Variants in LIPA observed in about 807,000 individuals in gnomAD.
The protein encoded by LIPA is lipase A, lysosomal acid type.
A neutral mutation model predicts 40.6 loss-of-function variants in LIPA; 26 were observed. That is an observed-to-expected ratio of 0.64 (90% CI 0.47 to 0.89). The LOEUF is 0.89. LIPA is among the 40% of genes least tolerant of loss of function. The pLI, the probability that LIPA is intolerant of heterozygous loss-of-function variation, is 0.00. For missense variants in LIPA, 455 were observed against 479.6 expected (o/e 0.95, Z 0.48); for synonymous variants, 188 against 168.4 (o/e 1.12, Z -0.90).
At chr10:89,403,052 G>A in intron 2 of LIPA, 5 of 1,614,220 alleles carry the variant, frequency 3.1e-6, no homozygotes, top group Non-Finnish European at 4.2e-6. Context: ...ATGCAGCCAA[G>A]TTTTACCGAA....
intron 1 of LIPA, chr10:89,309,042 A>G (rs777289376): frequency 6.6e-6 from 1 of 152,190 alleles, no homozygotes; most frequent in Non-Finnish European, 1.5e-5. Context: ...CTGGTCTACT[A>G]TCATAATCAC....
chr10:89,319,124 A>G (rs1468866787), intron 1 of LIPA, among the ~76,000 whole-genome samples: 1 of 152,252 alleles, frequency 6.6e-6, no homozygotes, highest in Non-Finnish European at 1.5e-5. Flanking sequence ...AAGATCTAAA[A>G]TTGACACCTA....
intron 1 of LIPA, among the ~76,000 whole-genome samples, chr10:89,264,156 G>A (rs1843223751): frequency 6.6e-6 from 1 of 152,212 alleles, no homozygotes; most frequent in African/African-American, 2.4e-5. Flanking sequence ...AACATGGCAA[G>A]CAGGGGGGGT....
At chr10:89,385,562 A>G (rs981022808) in intron 2 of LIPA, among the ~76,000 whole-genome samples, 1 of 152,250 alleles carries the variant, frequency 6.6e-6, no homozygotes, top group Non-Finnish European at 1.5e-5. Flanking sequence ...CCATGTGGCC[A>G]GGGTCACTGA....
At chr10:89,374,738 T>G (rs1242923044) in intron 2 of LIPA, among the ~76,000 whole-genome samples, 1 of 152,208 alleles carries the variant, frequency 6.6e-6, no homozygotes, top group Non-Finnish European at 1.5e-5. Flanking sequence ...TCCCATCTGA[T>G]ACAGAACTGG....
In LIPA at chr10:89,316,387, C is replaced by T. The variant is rs139846336; in HGVS notation, c.-2+26224G>A. Reference sequence around the variant, plus strand: ...CCACCCTAATACTGCGCTTTTCCAACGGTCTTAGCAAACAGAACACCAGGA... The same window carrying T: ...CCACCCTAATACTGCGCTTTTCCAATGGTCTTAGCAAACAGAACACCAGGA... On this transcript the variant is annotated intron_variant, in intron 1 of 5. Transcript: ENST00000282673. 5.8e-3 allele frequency among the ~76,000 whole-genome samples: 881 copies of T among 152,344 alleles called. 3 individuals carry two copies. Among genetic ancestry groups the T allele is most frequent in the Middle Eastern group, 0.024 (7 of 294 alleles).
At chr10:89,267,070 A>G (rs1226738740) in intron 1 of LIPA, among the ~76,000 whole-genome samples, 1 of 152,180 alleles carries the variant, frequency 6.6e-6, no homozygotes, top group African/African-American at 2.4e-5. Context: ...CACATTCTCT[A>G]TTTTTATATT....
At chr10:89,307,357 A>G in intron 1 of LIPA, 2 of 1,601,674 alleles carry the variant, frequency 1.2e-6, no homozygotes, top group Non-Finnish European at 1.7e-6. Flanking sequence ...CTTCAGCATC[A>G]AGCTGGAATG....
rs780289964 is a variant in LIPA, at chr10:89,247,696, C to T, written c.-1-47G>A. ...TATTATTTGCTTGAATTTTACTACA[C>T]AAAAATATTCTGGTAACTTAATGCT... On this transcript the variant is annotated intron_variant, in intron 1 of 9. Coordinates refer to ENST00000336233, the MANE Select transcript of LIPA (RefSeq NM_000235.4). The T allele has an allele frequency of 5.5e-5, 73 of 1,338,194 alleles. 1 individual carries two copies. The South Asian group carries it at 8.2e-4, about 15-fold the overall frequency. 82.9% of individuals were successfully genotyped at this position (1,338,194 alleles called of 1,614,324 possible). A position where few individuals can be genotyped will look rare whatever the true frequency, so the allele number is the denominator to read the frequency against.
At chr10:89,248,109 C>T (rs1564765623) in intron 1 of LIPA, among the ~76,000 whole-genome samples, 1 of 151,442 alleles carries the variant, frequency 6.6e-6, no homozygotes, top group African/African-American at 2.4e-5. Context: ...TCGTGATTCG[C>T]CCACCTCGGC....
At chr10:89,351,091 G>A (rs11819472) in intron 2 of LIPA, among the ~76,000 whole-genome samples, 2,637 of 152,314 alleles carry the variant, frequency 0.017, 88 homozygotes, top group African/African-American at 0.059. Context: ...TGAAGTGGGC[G>A]GATCACTTGA....
At chr10:89,303,958 G>A (rs139473124) in intron 1 of LIPA, among the ~76,000 whole-genome samples, 2 of 152,264 alleles carry the variant, frequency 1.3e-5, no homozygotes, top group African/African-American at 4.8e-5. Flanking sequence ...AGATGCACAT[G>A]GAGAAAACAC....
At chr10:89,348,117 A>C (rs1335521920) in intron 2 of LIPA, among the ~76,000 whole-genome samples, 1 of 152,246 alleles carries the variant, frequency 6.6e-6, no homozygotes, top group Non-Finnish European at 1.5e-5. Flanking sequence ...CCCCACCTCC[A>C]ACCCCAGTGC....
chr10:89,236,656 T>TA (rs569956362), intron 3 of LIPA, among the ~76,000 whole-genome samples: 6 of 151,126 alleles, frequency 4.0e-5, no homozygotes, highest in East Asian at 1.9e-4. Flanking sequence ...AGATGACTGT[T>TA]AAAAAAAAAG....
chr10:89,309,154 T>C (rs1332748486), intron 1 of LIPA: 3 of 152,242 alleles, frequency 2.0e-5, no homozygotes, highest in Admixed American at 1.3e-4. Flanking sequence ...AACACAGACA[T>C]TCTGTCTCCA....
intron 2 of LIPA, chr10:89,402,561 G>A (rs1210836368): frequency 6.2e-7 from 1 of 1,613,998 alleles, no homozygotes; most frequent in Non-Finnish European, 8.5e-7. Context: ...GAGGAGTCTG[G>A]TGACCTGGGG....
At chr10:89,309,881 G>A (rs557410787) in intron 1 of LIPA, among the ~76,000 whole-genome samples, 149 of 152,236 alleles carry the variant, frequency 9.8e-4, no homozygotes, top group African/African-American at 3.4e-3. Context: ...CACATTTCCC[G>A]GGGCAGGACA....
At chr10:89,361,307 T>A (rs116110337) in intron 2 of LIPA, among the ~76,000 whole-genome samples, 54 of 152,336 alleles carry the variant, frequency 3.5e-4, no homozygotes, top group African/African-American at 1.2e-3. Flanking sequence ...GAGAAGACCA[T>A]GCCTGACACT....
At chr10:89,332,383 T>C (rs1843663235) in intron 1 of LIPA, 3 of 914,976 alleles carry the variant, frequency 3.3e-6, no homozygotes, top group Non-Finnish European at 4.5e-6. Context: ...GTTTTCCAAA[T>C]CTGTCTGGAA....
Sources: gnomAD v4.1 joint callset for allele counts (sites outside exome capture counted in the v4.1 genomes callset) on GRCh38, gnomAD v4.1.1 for gene constraint, MANE v1.5 for transcripts, NCBI Gene and HGNC (gene_info 2026-07-23, HGNC 2026-07-21) for gene names.